The following DSCAM variants were observed in gnomAD, a reference collection of about 807,000 sequenced individuals.
DSCAM encodes cell adhesion molecule DSCAM.
In DSCAM, 47 loss-of-function variants were observed where a neutral mutation model predicts 217.7. That is an observed-to-expected ratio of 0.22 (90% CI 0.17 to 0.28). DSCAM has a LOEUF of 0.28. Among genes scored for constraint, DSCAM ranks in the 10% least tolerant of loss-of-function variants. The pLI, the probability that DSCAM is intolerant of heterozygous loss-of-function variation, is 1.00. For synonymous variants in DSCAM, 1,056 were observed against 1,015.3 expected (o/e 1.04, Z -0.76); for missense variants, 2,080 against 2,618.3 (o/e 0.79, Z 4.49).
chr21:40,394,491 T>C (rs2075161134), intron 3 of DSCAM, among the ~76,000 whole-genome samples: 1 of 152,192 alleles, frequency 6.6e-6, no homozygotes, highest in African/African-American at 2.4e-5. Context: ...TCTCCATACA[T>C]ACACAATGCA....
At chr21:40,113,332 T>C (rs2089924816) in intron 20 of DSCAM, among the ~76,000 whole-genome samples, 1 of 152,150 alleles carries the variant, frequency 6.6e-6, no homozygotes. Context: ...TCTCAATAGA[T>C]GCAGAAAAGG....
chr21:40,240,009 G>T (rs28446429), intron 11 of DSCAM, among the ~76,000 whole-genome samples: 2 of 152,248 alleles, frequency 1.3e-5, no homozygotes, highest in Non-Finnish European at 2.9e-5. Context: ...TACCATAGCT[G>T]CTCAGACCTT....
chr21:40,597,029 G>A (rs2077026438), intron 3 of DSCAM, among the ~76,000 whole-genome samples: 1 of 152,132 alleles, frequency 6.6e-6, no homozygotes, highest in African/African-American at 2.4e-5. Flanking sequence ...AAACTCATTT[G>A]TAATTAAGAT....
At chr21:40,788,873 C>T (rs965058584) in intron 1 of DSCAM, among the ~76,000 whole-genome samples, 3 of 152,046 alleles carry the variant, frequency 2.0e-5, no homozygotes, top group Admixed American at 2.0e-4. Flanking sequence ...AACAGTTGAC[C>T]TTTTTATACT....
In DSCAM at chr21:40,287,771, C is replaced by T. The variant is rs2073845703; in HGVS notation, c.2182+8284G>A. Among the ~76,000 whole-genome samples the T allele has an allele frequency of 2.0e-5, 3 of 152,122 alleles. 1 individual carries two copies. The highest frequency in any genetic ancestry group is 2.0e-4 in the Admixed American group (3 of 15,266). On this transcript the variant is annotated intron_variant, in intron 10 of 32. Transcript: ENST00000400454. ...GCCCTAGTGGTAAGGGACAGCCAGG[C>T]CCTCTGGGGGACTGTGCGTGGTGAG...
chr21:40,237,992 G>A (rs895897760), intron 11 of DSCAM, among the ~76,000 whole-genome samples: 5 of 152,312 alleles, frequency 3.3e-5, no homozygotes, highest in Non-Finnish European at 5.9e-5. Context: ...CGTGGGTTGG[G>A]CTACAGACAT....
intron 1 of DSCAM, among the ~76,000 whole-genome samples, chr21:40,834,424 T>A (rs539653347): frequency 0.022 from 2,121 of 94,882 alleles, 42 homozygotes; most frequent in African/African-American, 0.078. Context: ...ATAATAATAA[T>A]AAAATAATAA....
At chr21:40,065,325 G>A (rs1177383274) in intron 27 of DSCAM, among the ~76,000 whole-genome samples, 3 of 152,088 alleles carry the variant, frequency 2.0e-5, no homozygotes, top group Admixed American at 1.3e-4. Context: ...CCAGGGCTGA[G>A]ATGAGGGTCT....
At chr21:40,428,907 G>C (rs2075502902) in intron 3 of DSCAM, among the ~76,000 whole-genome samples, 1 of 152,032 alleles carries the variant, frequency 6.6e-6, no homozygotes, top group African/African-American at 2.4e-5. Flanking sequence ...AATGAAAGTT[G>C]CATTAGTGTA....
chr21:40,144,392 T>C lies in DSCAM; in HGVS notation c.3259+99A>G. 1 of 1,545,926 alleles carries C rather than the reference T, an allele frequency of 6.5e-7. No individual in the cohort carries two copies. The highest frequency in any genetic ancestry group is 8.8e-7 in the Non-Finnish European group (1 of 1,141,842). ...CCAGGCCCTGCAGGTCACTGCAAAG[T>C]CGTGGGGCGGGGGAGTGCGAGGTTG... On this transcript the variant is annotated intron_variant, in intron 17 of 32. Coordinates refer to ENST00000400454, the MANE Select transcript of DSCAM (RefSeq NM_001389.5). This position sits in a 1 kb window ranked among gnomAD's most constrained non-coding sequence, Gnocchi z 4.8.
chr21:40,821,388 C>CGT lies in DSCAM; in HGVS notation c.43+25230_43+25231insAC, dbSNP rs1034720498. Among the ~76,000 whole-genome samples, 148 of 115,326 alleles carry CGT rather than the reference C, an allele frequency of 1.3e-3. No homozygotes were observed. The East Asian group carries it at 0.022, about 17-fold the overall frequency. 75.7% of individuals were successfully genotyped at this position (115,326 alleles called of 152,430 possible). ...GCATGCATGCACACACACAGACACACGCGCGCACACACACACACACACACA... is the reference window on the plus strand; with the variant it reads ...GCATGCATGCACACACACAGACACACGTGCGCGCACACACACACACACACACA... On this transcript the variant is annotated intron_variant, in intron 1 of 32. Coordinates refer to ENST00000400454, the MANE Select transcript of DSCAM (RefSeq NM_001389.5).
Position 40,144,523 on chromosome 21 carries a change from G to C in DSCAM, c.3227C>G (p.Ser1076Cys), listed in dbSNP as rs1476286539. Residue 1076 changes from serine (S) to cysteine (C), a missense_variant, in exon 17 of 33, where the codon TCT becomes TGT. Transcript: ENST00000400454. This position sits in a 1 kb window ranked among gnomAD's most constrained non-coding sequence, Gnocchi z 4.8. Reference sequence around the variant, plus strand: ...GAGAGTGGTGGTGATGATTTCCTGAGAAGAAGGCCCCGTGCCGGCCCGGTT... The same window carrying C: ...GAGAGTGGTGGTGATGATTTCCTGACAAGAAGGCCCCGTGCCGGCCCGGTT... Reference protein sequence around the residue: ...ACNRAGTGPSSQEIITTTLED... With the variant: ...ACNRAGTGPSCQEIITTTLED... 2.5e-6 allele frequency: 4 copies of C among 1,614,204 alleles called. No homozygotes were observed. The highest frequency in any genetic ancestry group is 3.4e-6 in the Non-Finnish European group (4 of 1,180,030).
intron 2 of DSCAM, among the ~76,000 whole-genome samples, chr21:40,704,867 G>A (rs2090695811): frequency 6.6e-6 from 1 of 152,300 alleles, no homozygotes; most frequent in African/African-American, 2.4e-5. Flanking sequence ...AGGGTTTATA[G>A]CCAATGAACA....
intron 25 of DSCAM, 79 bp downstream of exon 25, chr21:40,080,073 T>C (rs2089431725): frequency 8.0e-7 from 1 of 1,252,362 alleles, no homozygotes; most frequent in East Asian, 2.7e-5. Context: ...TAAAACATGA[T>C]GGATCTTTTA....
intron 3 of DSCAM, among the ~76,000 whole-genome samples, chr21:40,638,089 T>G (rs983671689): frequency 6.6e-6 from 1 of 152,184 alleles, no homozygotes; most frequent in Non-Finnish European, 1.5e-5. Flanking sequence ...GAACTTAGTC[T>G]TTCTTAGGTG....
chr21:40,532,181 C>T (rs2837680), intron 3 of DSCAM, among the ~76,000 whole-genome samples: 24,486 of 151,958 alleles, frequency 0.16, 2,188 homozygotes, highest in Middle Eastern at 0.22. Context: ...AAAGAGGGTG[C>T]TTAAAATACT....
intron 11 of DSCAM, among the ~76,000 whole-genome samples, chr21:40,271,646 C>T (rs2222981): frequency 0.03 from 4,551 of 152,286 alleles, 223 homozygotes; most frequent in African/African-American, 0.1. Context: ...GCAAATCTGC[C>T]TCCACCTTTT....
intron 3 of DSCAM, among the ~76,000 whole-genome samples, chr21:40,440,093 A>G (rs1291394290): frequency 6.6e-6 from 1 of 152,206 alleles, no homozygotes; most frequent in Admixed American, 6.5e-5. Flanking sequence ...GAGTTGTAGG[A>G]ACATGTATCT....
At chr21:40,241,754 C>T (rs1313566974) in intron 11 of DSCAM, among the ~76,000 whole-genome samples, 3 of 152,164 alleles carry the variant, frequency 2.0e-5, no homozygotes, top group Non-Finnish European at 4.4e-5. Flanking sequence ...CCTAAATGCC[C>T]ATCAATGACA....
Sources: allele counts gnomAD v4.1 joint callset (sites outside exome capture counted in the v4.1 genomes callset), GRCh38; gene constraint gnomAD v4.1.1; non-coding constraint Gnocchi (gnomAD v3.1); transcripts MANE v1.5; gene names NCBI Gene and HGNC (gene_info 2026-07-23, HGNC 2026-07-21).